The following BMP2 variants were observed in gnomAD, a reference collection of about 807,000 sequenced individuals.
The protein encoded by BMP2 is bone morphogenetic protein 2, also known as bone morphogenetic protein 2A.
Under a neutral mutation model 28.8 loss-of-function variants are expected in BMP2, and 2 were observed. That is an observed-to-expected ratio of 0.07 (90% CI 0.03 to 0.22). BMP2 has a LOEUF of 0.22. Ranked by LOEUF, BMP2 falls within the 10% of genes least tolerant of loss-of-function variation. The pLI, the probability that BMP2 is intolerant of heterozygous loss-of-function variation, is 1.00. For synonymous variants in BMP2, 218 were observed against 204.3 expected, an observed-to-expected ratio of 1.07 and a Z score of -0.57; for missense variants, 437 against 517.7, an observed-to-expected ratio of 0.84 and a Z score of 1.51.
chr20:6,772,983 T>A (rs1052961502), intron 2 of BMP2, among the ~76,000 whole-genome samples: 1 of 152,088 alleles, frequency 6.6e-6, no homozygotes, highest in African/African-American at 2.4e-5. Context: ...GTTTTGTGTA[T>A]TGCTGTAGTT....
At position 6,767,918 on chromosome 20, in the gene BMP2, C is replaced by A; in HGVS notation, c.-965C>A. ...CAGACCCCGCGCGGGCTGGAGCACC[C>A]GGCAGAGCGCGCCACAGCGCCGTGG... is the stretch of plus-strand genomic sequence containing the variant. On this transcript the variant is annotated 5_prime_UTR_variant, in exon 1 of 3. Transcript: ENST00000378827. 2.6e-6 allele frequency: 1 copy of A among 385,576 alleles called. No homozygotes were observed. Among genetic ancestry groups the A allele is most frequent in the South Asian group, 1.3e-4 (1 of 7,434 alleles). The allele number at this position is 385,576 out of a possible 1,614,324, so 23.9% of individuals were successfully genotyped here. A position where few individuals can be genotyped will look rare whatever the true frequency, so the allele number is the denominator to read the frequency against.
Position 6,768,333 on chromosome 20 carries a change from C to G in BMP2, c.-550C>G, listed in dbSNP as rs1218755384. On this transcript the variant is annotated 5_prime_UTR_variant, in exon 1 of 3. Transcript: ENST00000378827. Reference sequence around the variant, plus strand: ...ATCGCCGCCGTGCCCTTCCCTGGACCCGGCGTCGCCCAGGATGGCTGCCCC... The same window carrying G: ...ATCGCCGCCGTGCCCTTCCCTGGACGCGGCGTCGCCCAGGATGGCTGCCCC... The G allele has an allele frequency of 5.0e-6, 2 of 397,700 alleles. No individual in the cohort carries two copies. The highest frequency in any genetic ancestry group is 7.1e-5 in the East Asian group (2 of 27,980). The allele number at this position is 397,700 out of a possible 1,614,324, so 24.6% of individuals were successfully genotyped here.
rs1012150413 is a variant in BMP2, at chr20:6,767,703, C to A, written c.-1180C>A. 6.6e-6 allele frequency: 1 copy of A among 151,816 alleles called. No homozygotes were observed. Among genetic ancestry groups the A allele is most frequent in the Non-Finnish European group, 1.5e-5 (1 of 68,522 alleles). 9.4% of individuals were successfully genotyped at this position (151,816 alleles called of 1,614,324 possible). A position where few individuals can be genotyped will look rare whatever the true frequency, so the allele number is the denominator to read the frequency against. ...GCCACGGCGCCGCCGCCGCCGTCGC[C>A]GCCGCCGGAGTCCTCGCCCCGCCGC... is the stretch of plus-strand genomic sequence containing the variant. On this transcript the variant is annotated 5_prime_UTR_variant, in exon 1 of 3. Transcript: ENST00000378827.
In BMP2 at chr20:6,769,612, G is replaced by GGGGTGTGT. The variant is rs367780897; in HGVS notation, c.-7-507_-7-506insGGTGTGTG. 1.9e-3 allele frequency among the ~76,000 whole-genome samples: 271 copies of GGGGTGTGT among 139,998 alleles called. 2 individuals carry two copies. The highest frequency in any genetic ancestry group is 3.1e-3 in the Non-Finnish European group (204 of 65,170). 91.8% of individuals were successfully genotyped at this position (139,998 alleles called of 152,430 possible). On this transcript the variant is annotated intron_variant, in intron 1 of 2. Coordinates refer to ENST00000378827, the MANE Select transcript of BMP2 (RefSeq NM_001200.4). ...GCTTACAGGGTCTGGAAGCTATAAGGGTGTGTGTGTGTGTGTGTGTGTGTG... is the reference window on the plus strand; with the variant it reads ...GCTTACAGGGTCTGGAAGCTATAAGGGGGTGTGTGTGTGTGTGTGTGTGTGTGTGTGTG...
chr20:6,770,521 C>G (rs766833670), intron 2 of BMP2, 49 bp downstream of exon 2: 4 of 1,519,798 alleles, frequency 2.6e-6, no homozygotes, highest in Non-Finnish European at 3.5e-6. Flanking sequence ...CTGCAAAGCC[C>G]TCCACCGTGG....
At chr20:6,774,408 C>A (rs1171351009) in intron 2 of BMP2, among the ~76,000 whole-genome samples, 1 of 152,082 alleles carries the variant, frequency 6.6e-6, no homozygotes, top group Non-Finnish European at 1.5e-5. Context: ...TGCCTGTAAT[C>A]CGAGCTAATT....
At chr20:6,771,936 C>T in intron 2 of BMP2, among the ~76,000 whole-genome samples, 1 of 152,128 alleles carries the variant, frequency 6.6e-6, no homozygotes, top group East Asian at 1.9e-4. Flanking sequence ...TAATCATTCC[C>T]AGGTAATGCT....
Position 6,779,130 on chromosome 20 carries a change from AT to A in BMP2, c.*45del. The A allele has an allele frequency of 3.2e-6, 3 of 945,204 alleles. No individual in the cohort carries two copies. The highest frequency in any genetic ancestry group is 3.9e-5 in the East Asian group (1 of 25,572). The allele number at this position is 945,204 out of a possible 1,614,324, so 58.6% of individuals were successfully genotyped here. On this transcript the variant is annotated 3_prime_UTR_variant, in exon 3 of 3. Transcript: ENST00000378827. ...TACATAAATATATATATATATATATATTTTAGAAAAAAGAAAAAAACAAACA... is the reference window on the plus strand; with the variant it reads ...TACATAAATATATATATATATATATATTTAGAAAAAAGAAAAAAACAAACA...
At chr20:6,774,671 A>G (rs1469821337) in intron 2 of BMP2, among the ~76,000 whole-genome samples, 1 of 152,240 alleles carries the variant, frequency 6.6e-6, no homozygotes, top group African/African-American at 2.4e-5. Context: ...TTTCATTTAC[A>G]AAATGGAGAT....
At chr20:6,774,288 G>A (rs978973420) in intron 2 of BMP2, among the ~76,000 whole-genome samples, 19 of 152,100 alleles carry the variant, frequency 1.2e-4, no homozygotes, top group Admixed American at 1.0e-3. Context: ...CACTTTGGGA[G>A]GCTTAGGTGG....
At position 6,768,649 on chromosome 20, in the gene BMP2, CGA is replaced by C. The variant is rs1160478956; in HGVS notation, c.-232_-231del. 2.5e-6 allele frequency: 1 copy of C among 396,176 alleles called. No homozygotes were observed. The highest frequency in any genetic ancestry group is 2.1e-5 in the African/African-American group (1 of 48,576). The allele number at this position is 396,176 out of a possible 1,614,324, so 24.5% of individuals were successfully genotyped here. A position where few individuals can be genotyped will look rare whatever the true frequency, so the allele number is the denominator to read the frequency against. ...CCAGCGGAGCCTGCTTCGCCATCTC[CGA>C]GCCCCACCGCCCCTCCACTCCTCGG... On this transcript the variant is annotated 5_prime_UTR_variant, in exon 1 of 3. Coordinates refer to ENST00000378827, the MANE Select transcript of BMP2 (RefSeq NM_001200.4).
rs941732341 is a variant in BMP2 at position 6,768,153 on chromosome 20, C to G, written c.-730C>G. 5.0e-6 allele frequency: 2 copies of G among 398,130 alleles called. No individual in the cohort carries two copies. Among genetic ancestry groups the G allele is most frequent in the Non-Finnish European group, 8.9e-6 (2 of 225,816 alleles). 24.7% of individuals were successfully genotyped at this position (398,130 alleles called of 1,614,324 possible). The stretch of plus-strand genomic sequence containing the variant: ...AGAGCGAGGGGAGAGCACAGCCACC[C>G]GCCTCGGCGGCCCGGGACTCGGCTC... On this transcript the variant is annotated 5_prime_UTR_variant, in exon 1 of 3. Transcript: ENST00000378827.
rs1986295340 is a variant in BMP2, at chr20:6,768,217, A to G, written c.-666A>G. ...ATGCGCCCGAGGACGACGGGGCGCC[A>G]GAGCCGCGGTGCTTTCAACTGGCGA... On this transcript the variant is annotated 5_prime_UTR_variant, in exon 1 of 3. Coordinates refer to ENST00000378827, the MANE Select transcript of BMP2 (RefSeq NM_001200.4). The G allele has an allele frequency of 1.0e-5, 4 of 398,092 alleles. No homozygotes were observed. The highest frequency in any genetic ancestry group is 6.2e-5 in the African/African-American group (3 of 48,588). The allele number at this position is 398,092 out of a possible 1,614,324, so 24.7% of individuals were successfully genotyped here. A position where few individuals can be genotyped will look rare whatever the true frequency, so the allele number is the denominator to read the frequency against.
In BMP2 at chr20:6,778,542, G is replaced by C; in HGVS notation, c.644G>C (p.Arg215Pro). Residue 215 changes from arginine to proline, a missense_variant, in exon 3 of 3, where the codon CGG becomes CCG. Transcript: ENST00000378827. This position sits in a 1 kb window ranked among gnomAD's most constrained non-coding sequence, Gnocchi z 5.0. ...ESFDVTPAVM[R>P]WTAQGHANHG... ...TTTGATGTCACCCCCGCTGTGATGC[G>C]GTGGACTGCACAGGGACACGCCAAC... is the stretch of plus-strand genomic sequence containing the variant. 1 of 1,614,154 alleles carries C rather than the reference G, an allele frequency of 6.2e-7. No individual in the cohort carries two copies. Among genetic ancestry groups the C allele is most frequent in the East Asian group, 2.2e-5 (1 of 44,874 alleles).
Position 6,767,729 on chromosome 20 carries a change from G to A in BMP2, c.-1154G>A, listed in dbSNP as rs1446703669. On this transcript the variant is annotated 5_prime_UTR_variant, in exon 1 of 3. Coordinates refer to ENST00000378827, the MANE Select transcript of BMP2 (RefSeq NM_001200.4). The stretch of plus-strand genomic sequence containing the variant: ...GCCGCCGGAGTCCTCGCCCCGCCGC[G>A]CTGCGCCCGGCTCGCGCTGCGCTAG... The A allele has an allele frequency of 1.2e-5, 2 of 167,644 alleles. No homozygotes were observed. The highest frequency in any genetic ancestry group is 2.5e-5 in the Non-Finnish European group (2 of 78,876). 10.4% of individuals were successfully genotyped at this position (167,644 alleles called of 1,614,324 possible).
At chr20:6,775,898 T>A (rs1986491461) in intron 2 of BMP2, among the ~76,000 whole-genome samples, 1 of 152,320 alleles carries the variant, frequency 6.6e-6, no homozygotes, top group Non-Finnish European at 1.5e-5. Flanking sequence ...GCACTTTTGT[T>A]AATATAGCTA....
At position 6,778,604 on chromosome 20, in the gene BMP2, A is replaced by AAAC. The variant is rs765836312; in HGVS notation, c.709_711dup (p.Gln237dup). The AAAC allele has an allele frequency of 6.2e-7, 1 of 1,614,020 alleles. No homozygotes were observed. Among genetic ancestry groups the AAAC allele is most frequent in the South Asian group, 1.1e-5 (1 of 91,060 alleles). On this transcript the variant is annotated inframe_insertion, in exon 3 of 3. Transcript: ENST00000378827. This position sits in a 1 kb window ranked among gnomAD's most constrained non-coding sequence, Gnocchi z 5.0. ...GGTGGAAGTGGCCCACTTGGAGGAG[A>AAAC]AACAAGGTGTCTCCAAGAGACATGT... is the stretch of plus-strand genomic sequence containing the variant.
In BMP2 at chr20:6,778,220, T is replaced by C. The variant is rs533753073; in HGVS notation, c.347-25T>C. 1.9e-6 allele frequency: 3 copies of C among 1,550,274 alleles called. No homozygotes were observed. In the South Asian group the frequency reaches 3.8e-5, roughly 19 times the overall value. On this transcript the variant is annotated intron_variant, in intron 2 of 2. Transcript: ENST00000378827. The surrounding 1 kb of genome is among the most constrained non-coding windows in gnomAD (Gnocchi z 5.0). Reference sequence around the variant, plus strand: ...TGAAATTCAGACTTTTCTTTTTTCTTCCCTGTTTTTCTCTATCAAATTAGA... The same window carrying C: ...TGAAATTCAGACTTTTCTTTTTTCTCCCCTGTTTTTCTCTATCAAATTAGA...
At chr20:6,770,617 ATC>A (rs2032434257) in intron 2 of BMP2, 145 bp downstream of exon 2, 2 of 823,298 alleles carry the variant, frequency 2.4e-6, no homozygotes, top group Middle Eastern at 7.4e-4. Flanking sequence ...TCGTTTCTGA[ATC>A]TGATTTTAAC....
Sources: gnomAD v4.1 joint callset for allele counts (sites outside exome capture counted in the v4.1 genomes callset) on GRCh38, gnomAD v4.1.1 for gene constraint, Gnocchi (gnomAD v3.1) non-coding constraint, MANE v1.5 for transcripts, NCBI Gene and HGNC (gene_info 2026-07-23, HGNC 2026-07-21) for gene names.